MAGI1: variants seen among roughly 807,000 people sequenced by gnomAD.
MAGI1 encodes the protein membrane associated guanylate kinase, WW and PDZ domain containing 1.
Under a neutral mutation model 139.9 loss-of-function variants are expected in MAGI1, and 58 were observed. The observed-to-expected ratio is 0.41, with a 90% CI of 0.34 to 0.52. The LOEUF is 0.52. Among genes scored for constraint, MAGI1 ranks in the 20% least tolerant of loss-of-function variants. MAGI1 has a pLI of 0.12. For synonymous variants in MAGI1, 812 were observed against 737.9 expected (o/e 1.10, Z -1.63); for missense variants, 1,874 against 1,901.6 (o/e 0.99, Z 0.27).
intron 14 of MAGI1, among the ~76,000 whole-genome samples, chr3:65,386,706 CT>C (rs1022881461): frequency 6.6e-6 from 1 of 152,114 alleles, no homozygotes; most frequent in Non-Finnish European, 1.5e-5. Flanking sequence ...ATTAATATCA[CT>C]TTTTTTGAGT....
At chr3:65,378,297 G>A (rs1942726585) in intron 17 of MAGI1, among the ~76,000 whole-genome samples, 1 of 152,156 alleles carries the variant, frequency 6.6e-6, no homozygotes, top group African/African-American at 2.4e-5. Context: ...ATACTTTGCT[G>A]AAACCCTCAA....
rs1399881640 is a variant in MAGI1, at chr3:65,353,570, T to G, written c.*2808A>C. 6.6e-6 allele frequency: 1 copy of G among 152,144 alleles called. No individual in the cohort carries two copies. Among genetic ancestry groups the G allele is most frequent in the Non-Finnish European group, 1.5e-5 (1 of 68,020 alleles). 9.4% of individuals were successfully genotyped at this position (152,144 alleles called of 1,614,324 possible). On this transcript the variant is annotated 3_prime_UTR_variant, in exon 23 of 23. Transcript: ENST00000402939. ...TTTCCATGTATTTTTACAGTAAAAA[T>G]GCATTAAAAAATCTTTCACAAAAGA...
Position 65,431,632 on chromosome 3 carries a change from T to C in MAGI1, c.1364-751A>G, listed in dbSNP as rs187314490. Among the ~76,000 whole-genome samples, 204 of 151,722 alleles carry C rather than the reference T, an allele frequency of 1.3e-3. 1 individual carries two copies. Among genetic ancestry groups the C allele is most frequent in the African/African-American group, 4.5e-3 (187 of 41,376 alleles). ...CCCCCCACAACACACACACACAAAA[T>C]CCCTAAACTAAGTAGTTACTAACAG... On this transcript the variant is annotated intron_variant, in intron 10 of 22. Coordinates refer to ENST00000402939, the MANE Select transcript of MAGI1 (RefSeq NM_001033057.2).
chr3:66,022,604 T>C (rs181042175), intron 1 of MAGI1, among the ~76,000 whole-genome samples: 2 of 152,212 alleles, frequency 1.3e-5, no homozygotes, highest in Non-Finnish European at 2.9e-5. Context: ...GAACAATTAC[T>C]GGGGATTTTT....
chr3:65,709,640 T>G (rs2031031011), intron 1 of MAGI1, among the ~76,000 whole-genome samples: 1 of 152,236 alleles, frequency 6.6e-6, no homozygotes, highest in Admixed American at 6.5e-5. Context: ...CAGATGCACT[T>G]CGGATCAGCC....
At chr3:65,908,277 T>G (rs908085931) in intron 1 of MAGI1, among the ~76,000 whole-genome samples, 2 of 152,002 alleles carry the variant, frequency 1.3e-5, no homozygotes, top group African/African-American at 4.8e-5. Context: ...CTCTTCTCTC[T>G]GCCAATACTG....
intron 1 of MAGI1, among the ~76,000 whole-genome samples, chr3:65,709,828 C>T (rs575211803): frequency 1.3e-5 from 2 of 152,280 alleles, no homozygotes; most frequent in African/African-American, 2.4e-5. Context: ...CTCTAATTGA[C>T]GTACAGAACT....
At chr3:65,675,465 AC>A (rs1230796031) in intron 1 of MAGI1, among the ~76,000 whole-genome samples, 1 of 152,210 alleles carries the variant, frequency 6.6e-6, no homozygotes, top group Non-Finnish European at 1.5e-5. Context: ...ATAGTACATT[AC>A]AGAACACAGA....
intron 1 of MAGI1, among the ~76,000 whole-genome samples, chr3:65,840,670 T>C (rs961250234): frequency 6.6e-6 from 1 of 152,160 alleles, no homozygotes; most frequent in Non-Finnish European, 1.5e-5. Flanking sequence ...TTTGGTAAGA[T>C]ACTGTTAAGG....
intron 18 of MAGI1, among the ~76,000 whole-genome samples, chr3:65,373,366 C>T (rs1447722563): frequency 2.6e-5 from 4 of 152,082 alleles, no homozygotes; most frequent in Non-Finnish European, 5.9e-5. Context: ...TGGTTTGTGG[C>T]ACCCCCAAAC....
chr3:65,608,084 T>C (rs1290256604), intron 2 of MAGI1, among the ~76,000 whole-genome samples: 3 of 152,040 alleles, frequency 2.0e-5, no homozygotes, highest in Admixed American at 6.6e-5. Flanking sequence ...CAATAAGCAA[T>C]AGAATCAAAA....
At chr3:65,797,836 G>A (rs1164348917) in intron 1 of MAGI1, among the ~76,000 whole-genome samples, 1 of 152,196 alleles carries the variant, frequency 6.6e-6, no homozygotes, top group Admixed American at 6.5e-5. Context: ...TTCTAGTGGA[G>A]ATTATTCAAT....
intron 1 of MAGI1, among the ~76,000 whole-genome samples, chr3:65,695,327 C>G (rs2089068004): frequency 6.6e-6 from 1 of 152,180 alleles, no homozygotes; most frequent in African/African-American, 2.4e-5. Context: ...TGTGGCCAAT[C>G]TTGTCCCAGG....
chr3:65,715,991 G>T (rs969461715), intron 1 of MAGI1, among the ~76,000 whole-genome samples: 1 of 152,194 alleles, frequency 6.6e-6, no homozygotes, highest in Non-Finnish European at 1.5e-5. Context: ...CAAAAAGTTT[G>T]TGTTACAATC....
rs1212092384 is a variant in MAGI1 at position 65,760,518 on chromosome 3, AG to A, written c.314-138431del. Among the ~76,000 whole-genome samples the A allele has an allele frequency of 2.6e-5, 4 of 151,994 alleles. No homozygotes were observed. The East Asian group carries it at 7.7e-4, about 29-fold the overall frequency. On this transcript the variant is annotated intron_variant, in intron 1 of 22. Coordinates refer to ENST00000402939, the MANE Select transcript of MAGI1 (RefSeq NM_001033057.2). ...ACAGGAACACAGGAATATAGAAGAT[AG>A]GAATAGATAGCAACATAAGACAGGA...
intron 1 of MAGI1, among the ~76,000 whole-genome samples, chr3:65,784,071 T>C (rs1024823006): frequency 1.3e-4 from 19 of 151,806 alleles, no homozygotes; most frequent in Middle Eastern, 3.4e-3. Flanking sequence ...TGCAGTGACC[T>C]GAGATTGTGC....
intron 1 of MAGI1, among the ~76,000 whole-genome samples, chr3:65,952,527 A>G (rs1253525452): frequency 6.6e-6 from 1 of 152,134 alleles, no homozygotes; most frequent in African/African-American, 2.4e-5. Context: ...CAGAAAGACC[A>G]CATAAGGCCG....
At chr3:65,950,705 G>GCTAC (rs1187698820) in intron 1 of MAGI1, among the ~76,000 whole-genome samples, 2 of 152,074 alleles carry the variant, frequency 1.3e-5, no homozygotes, top group African/African-American at 4.8e-5. Context: ...ATTACAAAAT[G>GCTAC]CTACCCCCCA....
At position 65,487,146 on chromosome 3, in the gene MAGI1, C is replaced by T. The variant is rs964267417; in HGVS notation, c.550+6366G>A. ...TTATTTGCTAAATCCAGCAACCTAACTCCAGCTCAACCATCAGATCTCACT... is the reference window on the plus strand; with the variant it reads ...TTATTTGCTAAATCCAGCAACCTAATTCCAGCTCAACCATCAGATCTCACT... On this transcript the variant is annotated intron_variant, in intron 3 of 22. Coordinates refer to ENST00000402939, the MANE Select transcript of MAGI1 (RefSeq NM_001033057.2). Among the ~76,000 whole-genome samples the T allele has an allele frequency of 3.9e-5, 6 of 152,320 alleles. 1 individual carries two copies. The South Asian group carries it at 6.2e-4, about 16-fold the overall frequency.
Sources: allele counts gnomAD v4.1 joint callset (sites outside exome capture counted in the v4.1 genomes callset), GRCh38; gene constraint gnomAD v4.1.1; transcripts MANE v1.5; gene names NCBI Gene and HGNC (gene_info 2026-07-23, HGNC 2026-07-21).